The following MSH5 variants were observed in gnomAD, a reference collection of about 807,000 sequenced individuals.
MSH5 encodes mutS protein homolog 5.
In MSH5, 78 loss-of-function variants were observed where a neutral mutation model predicts 107.7. The ratio of observed to expected loss-of-function variants is 0.72; its 90% CI spans 0.60 to 0.87. The LOEUF is 0.87. Ranked by LOEUF, MSH5 falls within the 40% of genes least tolerant of loss-of-function variation. The pLI is 0.00. For synonymous variants in MSH5, 326 were observed against 399.5 expected, an observed-to-expected ratio of 0.82 and a Z score of 2.19; for missense variants, 889 against 1,046.6, an observed-to-expected ratio of 0.85 and a Z score of 2.08.
rs574244731 is a variant in MSH5 at position 31,749,126 on chromosome 6, C to G, written c.812+1694C>G. Among the ~76,000 whole-genome samples, 4 of 151,744 alleles carry G rather than the reference C, an allele frequency of 2.6e-5. No homozygotes were observed. The East Asian group carries it at 5.9e-4, about 22-fold the overall frequency. ...AGATGGGATTTCACCATGTTGGCCA[C>G]GCTGGTCTTGAACTGCTGACCTCGT... On this transcript the variant is annotated intron_variant, in intron 10 of 24. Transcript: ENST00000375750.
Position 31,740,604 on chromosome 6 carries a change from G to C in MSH5, c.138G>C (p.Glu46Asp), listed in dbSNP as rs1808772418. ...AGGAGGAAGTCGAGGAGGAGGAGGA[G>C]CTGGCCGAGGTCTCTGAGGGGAGTA... ...AEEEEVEEEEELAEIHLCVLW... is the reference protein window; with the variant it reads ...AEEEEVEEEEDLAEIHLCVLW... Residue 46 changes from glutamate to aspartate, a missense_variant, in exon 2 of 25, where the codon GAG (glutamate) becomes GAC (aspartate). Transcript: ENST00000375750. This position sits in a 1 kb window ranked among gnomAD's most constrained non-coding sequence, Gnocchi z 4.4. The C allele has an allele frequency of 6.6e-7, 1 of 1,504,670 alleles. No individual in the cohort carries two copies. The allele number at this position is 1,504,670 out of a possible 1,614,324, so 93.2% of individuals were successfully genotyped here.
At position 31,740,520 on chromosome 6, in the gene MSH5, G is replaced by A. The variant is rs987259398; in HGVS notation, c.54G>A (p.Gly18=). ...PRRTPQGPRP[G]AASSGFPSPA... ...GGACACCGCAGGGACCGAGACCTGG[G>A]GCGGCCTCCTCCGGCTTCCCCAGCC... Residue 18 remains glycine, a synonymous_variant, in exon 2 of 25, where the codon GGG becomes GGA. Transcript: ENST00000375750. The surrounding 1 kb of genome is among the most constrained non-coding windows in gnomAD (Gnocchi z 4.4). 6.4e-7 allele frequency: 1 copy of A among 1,554,616 alleles called. No individual in the cohort carries two copies. The highest frequency in any genetic ancestry group is 8.7e-7 in the Non-Finnish European group (1 of 1,149,526).
In MSH5 at chr6:31,760,101, T is replaced by C. The variant is rs369122691; in HGVS notation, c.1697T>C (p.Met566Thr). Residue 566 changes from methionine to threonine, a missense_variant, in exon 19 of 25, where the codon ATG becomes ACG. Transcript: ENST00000375750. The surrounding 1 kb of genome is among the most constrained non-coding windows in gnomAD (Gnocchi z 5.6). ...TCCGCCCACTGCAGACATCCTCTGA[T>C]GGAACTCTGTGCCCGAACCTTTGTG... ...VRIQNGRHPLMELCARTFVPN... is the reference protein window; with the variant it reads ...VRIQNGRHPLTELCARTFVPN... 1.2e-6 allele frequency: 2 copies of C among 1,603,384 alleles called. No individual in the cohort carries two copies. The highest frequency in any genetic ancestry group is 1.3e-5 in the African/African-American group (1 of 74,732).
chr6:31,751,120 C>T (rs1477009595), intron 10 of MSH5, among the ~76,000 whole-genome samples: 1 of 152,240 alleles, frequency 6.6e-6, no homozygotes, highest in Admixed American at 6.5e-5. Context: ...CTCACCCTCC[C>T]GAGTAGCTGG....
chr6:31,744,865 G>A (rs1809270691), intron 8 of MSH5, among the ~76,000 whole-genome samples: 1 of 152,062 alleles, frequency 6.6e-6, no homozygotes, highest in Admixed American at 6.5e-5. Flanking sequence ...TGTAATCCCC[G>A]CGCTTTGGGA....
chr6:31,744,593 G>T lies in MSH5; in HGVS notation c.683+12G>T, dbSNP rs1220680341. 3.1e-6 allele frequency: 5 copies of T among 1,612,996 alleles called. No individual in the cohort carries two copies. Reference sequence around the variant, plus strand: ...CAAGACACTTACAGGTAAAGAGGTGGAGGCATGCTGCTGTCTCTGGGGAGG... The same window carrying T: ...CAAGACACTTACAGGTAAAGAGGTGTAGGCATGCTGCTGTCTCTGGGGAGG... On this transcript the variant is annotated intron_variant, in intron 8 of 24. Coordinates refer to ENST00000375750, the MANE Select transcript of MSH5 (RefSeq NM_172166.4).
In MSH5 at chr6:31,743,975, G is replaced by A; in HGVS notation, c.487G>A (p.Glu163Lys). Residue 163 changes from glutamate to lysine, a missense_variant, in exon 6 of 25, where the codon GAG (glutamate) becomes AAG (lysine). Physicochemically the swap from Glu to Lys is moderately conservative, Grantham distance 56. This residue lies in a region of MSH5 where 518 missense variants were observed against 565.0 expected (regional missense o/e 0.92). Coordinates refer to ENST00000375750, the MANE Select transcript of MSH5 (RefSeq NM_172166.4). ...SFIPDAMTAT[E>K]KILFLSSIIP... ...CATCCCAGACGCCATGACTGCCACT[G>A]AGAAAATCCTCTTCCTCTCTTCCAT... is the stretch of plus-strand genomic sequence containing the variant. 2.5e-6 allele frequency: 4 copies of A among 1,613,950 alleles called. No individual in the cohort carries two copies. The highest frequency in any genetic ancestry group is 3.4e-6 in the Non-Finnish European group (4 of 1,180,036).
chr6:31,743,761 G>A, intron 5 of MSH5, 143 bp from the exon 6 acceptor site: 1 of 1,178,652 alleles, frequency 8.5e-7, no homozygotes, highest in South Asian at 1.6e-5. Flanking sequence ...TGAAAATTTG[G>A]TTCTTGCTCT....
Position 31,744,019 on chromosome 6 carries a change from C to T in MSH5, c.531C>T (p.Leu177=), listed in dbSNP as rs1296994427. The change falls in exon 6 of 25, where the codon CTC becomes CTT. Residue 177 remains leucine, a synonymous_variant. Coordinates refer to ENST00000375750, the MANE Select transcript of MSH5 (RefSeq NM_172166.4). ...FLSSIIPFDC[L]LTVRALGGLL... ...CTTCCATTATTCCCTTTGACTGCCT[C>T]CTCACAGTGAGATTGGTCCTGGGGG... 1.9e-6 allele frequency: 3 copies of T among 1,614,022 alleles called. No homozygotes were observed. The highest frequency in any genetic ancestry group is 1.7e-5 in the Admixed American group (1 of 59,996).
chr6:31,761,775 A>G lies in MSH5; in HGVS notation c.2182-43A>G, dbSNP rs755615106. 17 of 1,613,030 alleles carry G rather than the reference A, an allele frequency of 1.1e-5. No homozygotes were observed. Among genetic ancestry groups the G allele is most frequent in the Non-Finnish European group, 1.4e-5 (16 of 1,179,984 alleles). On this transcript the variant is annotated intron_variant, in intron 22 of 24. Transcript: ENST00000375750. This position sits in a 1 kb window ranked among gnomAD's most constrained non-coding sequence, Gnocchi z 5.3. ...GATTGGCCAAGGGTTTCAGGACAGGAAGGAGGTGATTGATGATACACTGTC... is the reference window on the plus strand; with the variant it reads ...GATTGGCCAAGGGTTTCAGGACAGGGAGGAGGTGATTGATGATACACTGTC...
rs1250093069 is a variant in MSH5 at position 31,758,368 on chromosome 6, TG to T, written c.1143+77del. On this transcript the variant is annotated intron_variant, in intron 13 of 24. Coordinates refer to ENST00000375750, the MANE Select transcript of MSH5 (RefSeq NM_172166.4). This position sits in a 1 kb window ranked among gnomAD's most constrained non-coding sequence, Gnocchi z 5.1. The stretch of plus-strand genomic sequence containing the variant: ...ATGCAGTGTGCAAGATGGGGAAACA[TG>T]GAAGATATTGAGGTCAATTGGATAA... 1.3e-6 allele frequency: 2 copies of T among 1,590,534 alleles called. No individual in the cohort carries two copies. The highest frequency in any genetic ancestry group is 1.7e-6 in the Non-Finnish European group (2 of 1,165,034).
chr6:31,741,112 TAC>T (rs1491431046), intron 2 of MSH5, 49 bp from the exon 3 acceptor site: 1 of 1,603,746 alleles, frequency 6.2e-7, no homozygotes, highest in African/African-American at 1.3e-5. Flanking sequence ...TGGTAAACCC[TAC>T]ACTTATGAGT....
At chr6:31,755,139 TATC>T (rs984661582) in intron 12 of MSH5, among the ~76,000 whole-genome samples, 4 of 152,006 alleles carry the variant, frequency 2.6e-5, no homozygotes, top group African/African-American at 7.2e-5. Context: ...TATTATTTGG[TATC>T]ATCAAATATC....
chr6:31,743,791 G>A (rs1809136052), intron 5 of MSH5, 113 bp from the exon 6 acceptor site: 5 of 1,468,312 alleles, frequency 3.4e-6, no homozygotes, highest in African/African-American at 1.4e-5. Context: ...TTAACTGCCT[G>A]TGTGAGCTTG....
At position 31,758,329 on chromosome 6, in the gene MSH5, G is replaced by T; in HGVS notation, c.1143+36G>T. On this transcript the variant is annotated intron_variant, in intron 13 of 24. Coordinates refer to ENST00000375750, the MANE Select transcript of MSH5 (RefSeq NM_172166.4). The surrounding 1 kb of genome is among the most constrained non-coding windows in gnomAD (Gnocchi z 5.1). ...GGAAAAAGGGAGTGCACCCAGGGAGGTCAGGGAGAGAGAATGCAGTGTGCA... is the reference window on the plus strand; with the variant it reads ...GGAAAAAGGGAGTGCACCCAGGGAGTTCAGGGAGAGAGAATGCAGTGTGCA... The T allele has an allele frequency of 1.9e-6, 3 of 1,609,452 alleles. No homozygotes were observed. The highest frequency in any genetic ancestry group is 2.5e-6 in the Non-Finnish European group (3 of 1,177,772).
Position 31,740,493 on chromosome 6 carries a change from G to A in MSH5, c.27G>A (p.Arg9=). Residue 9 remains arginine, a synonymous_variant, in exon 2 of 25, where the codon AGG becomes AGA. Coordinates refer to ENST00000375750, the MANE Select transcript of MSH5 (RefSeq NM_172166.4). This position sits in a 1 kb window ranked among gnomAD's most constrained non-coding sequence, Gnocchi z 4.4. ...TGGCCTCCTTAGGAGCGAACCCAAGGAGGACACCGCAGGGACCGAGACCTG... is the reference window on the plus strand; with the variant it reads ...TGGCCTCCTTAGGAGCGAACCCAAGAAGGACACCGCAGGGACCGAGACCTG... The part of the protein sequence containing the change: MASLGANP[R]RTPQGPRPGA... The A allele has an allele frequency of 6.4e-7, 1 of 1,569,052 alleles. No homozygotes were observed. The highest frequency in any genetic ancestry group is 1.4e-5 in the African/African-American group (1 of 73,502).
chr6:31,743,756 A>T (rs1809132153), intron 5 of MSH5, 148 bp from the exon 6 acceptor site: 7 of 1,062,172 alleles, frequency 6.6e-6, no homozygotes, highest in African/African-American at 1.6e-5. Context: ...GAGTCTGAAA[A>T]TTTGGTTCTT....
intron 10 of MSH5, among the ~76,000 whole-genome samples, chr6:31,749,848 A>AACAGAGT (rs1446657327): frequency 6.6e-6 from 1 of 152,162 alleles, no homozygotes; most frequent in African/African-American, 2.4e-5. Flanking sequence ...ATCATCTCTA[A>AACAGAGT]ACAGAGTGGA....
At position 31,758,152 on chromosome 6, in the gene MSH5, G is replaced by A; in HGVS notation, c.1015-13G>A. The A allele has an allele frequency of 1.2e-6, 2 of 1,612,672 alleles. No individual in the cohort carries two copies. ...GGATGTGGCCTGTCCTCCTTTTTGT[G>A]TTTCTCTCACAGACTGTGTACAGTG... On this transcript the variant is annotated splice_polypyrimidine_tract_variant and intron_variant, in intron 12 of 24. Coordinates refer to ENST00000375750, the MANE Select transcript of MSH5 (RefSeq NM_172166.4). This position sits in a 1 kb window ranked among gnomAD's most constrained non-coding sequence, Gnocchi z 5.1.
Sources: gnomAD v4.1 joint callset for allele counts (sites outside exome capture counted in the v4.1 genomes callset) on GRCh38, gnomAD v4.1.1 for gene constraint, gnomAD v4.1.1 regional missense constraint, Gnocchi (gnomAD v3.1) non-coding constraint, MANE v1.5 for transcripts, NCBI Gene and HGNC (gene_info 2026-07-23, HGNC 2026-07-21) for gene names.